The following RAD21L1 variants were observed in gnomAD, a reference collection of about 807,000 sequenced individuals.
The protein encoded by RAD21L1 is double-strand-break repair protein rad21-like protein 1.
A neutral mutation model predicts 69.0 loss-of-function variants in RAD21L1; 47 were observed. The observed-to-expected ratio is 0.68, with a 90% CI of 0.54 to 0.87. The LOEUF (loss-of-function observed/expected upper bound fraction) is 0.87. RAD21L1 is among the 40% of genes least tolerant of loss of function. The pLI is 0.00. For missense variants in RAD21L1, 583 were observed against 647.6 expected (o/e 0.90, Z 1.08); for synonymous variants, 177 against 205.8 (o/e 0.86, Z 1.20).
chr20:1,226,603 C>T (rs1221383935), intron 1 of RAD21L1, among the ~76,000 whole-genome samples: 8 of 152,176 alleles, frequency 5.3e-5, no homozygotes, highest in South Asian at 2.1e-4. Context: ...CCTTCCGACC[C>T]CTTCCTCCCT....
At chr20:1,251,075 C>G (rs1026912443) in intron 13 of RAD21L1, among the ~76,000 whole-genome samples, 8 of 152,136 alleles carry the variant, frequency 5.3e-5, no homozygotes, top group Admixed American at 2.6e-4. Flanking sequence ...AACATCCTTT[C>G]ATAATTTCCT....
At chr20:1,253,863 T>C (rs1254906855) in intron 13 of RAD21L1, among the ~76,000 whole-genome samples, 1 of 152,182 alleles carries the variant, frequency 6.6e-6, no homozygotes, top group Non-Finnish European at 1.5e-5. Context: ...ATAGTACCTT[T>C]AAGTAGAAGA....
intron 13 of RAD21L1, among the ~76,000 whole-genome samples, chr20:1,251,500 G>C (rs989144694): frequency 6.6e-6 from 1 of 151,228 alleles, no homozygotes; most frequent in Non-Finnish European, 1.5e-5. Flanking sequence ...ATTTTTTAAA[G>C]TTTTTCATAG....
At chr20:1,241,848 C>T (rs1217998870) in intron 8 of RAD21L1, among the ~76,000 whole-genome samples, 1 of 152,204 alleles carries the variant, frequency 6.6e-6, no homozygotes, top group Non-Finnish European at 1.5e-5. Context: ...AACCCTCTCT[C>T]CCCTTTTACA....
chr20:1,229,994 A>G lies in RAD21L1; in HGVS notation c.259A>G (p.Met87Val). The G allele has an allele frequency of 1.9e-6, 3 of 1,549,848 alleles. No homozygotes were observed. The highest frequency in any genetic ancestry group is 2.6e-6 in the Non-Finnish European group (3 of 1,145,488). Residue 87 changes from methionine (M) to valine (V), a missense_variant, in exon 3 of 14, where the codon ATG becomes GTG. By Grantham distance (21) the Met-to-Val change is conservative. Transcript: ENST00000683101. ...DCSEAFLKMK[M>V]TFCPGLVDLP... is the part of the protein sequence containing the mutation. The stretch of plus-strand genomic sequence containing the variant: ...CAGTGAAGCATTTCTTAAAATGAAG[A>G]TGACATTTTGCCCAGGTATACATGT...
Position 1,255,159 on chromosome 20 carries a change from A to G in RAD21L1, c.*702A>G, listed in dbSNP as rs997329721. 4.6e-5 allele frequency among the ~76,000 whole-genome samples: 7 copies of G among 152,030 alleles called. No individual in the cohort carries two copies. Among genetic ancestry groups the G allele is most frequent in the Admixed American group, 2.6e-4 (4 of 15,286 alleles). ...TGCCTGAGTGGGTTTTAGTCTATTT[A>G]TAGGTCACTTAACTTTTTTATTTAC... On this transcript the variant is annotated 3_prime_UTR_variant, in exon 14 of 14. Coordinates refer to ENST00000683101, the MANE Select transcript of RAD21L1 (RefSeq NM_001384355.1).
chr20:1,240,294 A>G, intron 7 of RAD21L1, 27 bp from the exon 8 acceptor site: 1 of 1,514,074 alleles, frequency 6.6e-7, no homozygotes, highest in South Asian at 1.3e-5. Context: ...TTTTTTTTAC[A>G]ATTACTTTTA....
At chr20:1,230,617 T>C (rs2087369731) in intron 3 of RAD21L1, 1 of 322,442 alleles carries the variant, frequency 3.1e-6, no homozygotes, top group Admixed American at 6.5e-5. Flanking sequence ...GCAAGGTCTT[T>C]GTCATAATTA....
chr20:1,254,352 T>G lies in RAD21L1; in HGVS notation c.1563T>G (p.Phe521Leu). The G allele has an allele frequency of 6.4e-7, 1 of 1,551,396 alleles. No individual in the cohort carries two copies. The highest frequency in any genetic ancestry group is 8.7e-7 in the Non-Finnish European group (1 of 1,146,848). The change falls in exon 14 of 14, where the codon TTT becomes TTG. Residue 521 changes from phenylalanine to leucine, a missense_variant. Physicochemically the swap from Phe to Leu is conservative, Grantham distance 22 (BLOSUM62 0). Coordinates refer to ENST00000683101, the MANE Select transcript of RAD21L1 (RefSeq NM_001384355.1). ...NSDRKQAAAK[F>L]YSFLVLKKQL... is the part of the protein sequence containing the mutation. ...ACCGAAAACAAGCAGCTGCCAAATT[T>G]TATAGCTTTCTTGTCCTAAAGAAAC...
intron 13 of RAD21L1, among the ~76,000 whole-genome samples, chr20:1,249,000 A>G (rs1006110927): frequency 1.3e-5 from 2 of 152,212 alleles, no homozygotes; most frequent in African/African-American, 4.8e-5. Context: ...AACTTAGTTT[A>G]TAGCAGTTCA....
intron 1 of RAD21L1, among the ~76,000 whole-genome samples, chr20:1,226,602 C>A (rs981274847): frequency 1.3e-5 from 2 of 152,102 alleles, no homozygotes; most frequent in African/African-American, 2.4e-5. Context: ...CCCTTCCGAC[C>A]CCTTCCTCCC....
In RAD21L1 at chr20:1,231,632, A is replaced by G. The variant is rs1185746624; in HGVS notation, c.368+13A>G. 3 of 1,229,898 alleles carry G rather than the reference A, an allele frequency of 2.4e-6. No individual in the cohort carries two copies. Among genetic ancestry groups the G allele is most frequent in the Non-Finnish European group, 3.4e-6 (3 of 870,498 alleles). 76.2% of individuals were successfully genotyped at this position (1,229,898 alleles called of 1,614,324 possible). A position where few individuals can be genotyped will look rare whatever the true frequency, so the allele number is the denominator to read the frequency against. Reference sequence around the variant, plus strand: ...CCCAAAATATGAAGTAAAATATTTTATTTATTTTCCTTCGATTTAATTTTC... The same window carrying G: ...CCCAAAATATGAAGTAAAATATTTTGTTTATTTTCCTTCGATTTAATTTTC... On this transcript the variant is annotated intron_variant, in intron 4 of 13. Coordinates refer to ENST00000683101, the MANE Select transcript of RAD21L1 (RefSeq NM_001384355.1).
Position 1,254,600 on chromosome 20 carries a change from A to G in RAD21L1, c.*143A>G. Reference sequence around the variant, plus strand: ...ACCTACTTCCTCTCTGTAGTTCAGAATAATCATAGCTAGAATTGGAAACCT... The same window carrying G: ...ACCTACTTCCTCTCTGTAGTTCAGAGTAATCATAGCTAGAATTGGAAACCT... On this transcript the variant is annotated 3_prime_UTR_variant, in exon 14 of 14. Transcript: ENST00000683101. 2.2e-6 allele frequency: 1 copy of G among 455,296 alleles called. No homozygotes were observed. 28.2% of individuals were successfully genotyped at this position (455,296 alleles called of 1,614,324 possible). A position where few individuals can be genotyped will look rare whatever the true frequency, so the allele number is the denominator to read the frequency against.
At chr20:1,249,445 C>A (rs1360507741) in intron 13 of RAD21L1, among the ~76,000 whole-genome samples, 1 of 152,158 alleles carries the variant, frequency 6.6e-6, no homozygotes, top group Admixed American at 6.5e-5. Flanking sequence ...GTTTATTTAT[C>A]TGTCAGGTAA....
intron 1 of RAD21L1, among the ~76,000 whole-genome samples, chr20:1,227,092 T>C (rs2087280166): frequency 6.6e-6 from 1 of 152,108 alleles, no homozygotes; most frequent in South Asian, 2.1e-4. Flanking sequence ...GTACTTTTAG[T>C]AGAGACGGGG....
intron 12 of RAD21L1, among the ~76,000 whole-genome samples, chr20:1,247,465 A>C (rs1405061382): frequency 6.6e-6 from 1 of 152,190 alleles, no homozygotes; most frequent in African/African-American, 2.4e-5. Flanking sequence ...TCATTTATCC[A>C]AGGAGAGACC....
rs192753280 is a variant in RAD21L1, at chr20:1,230,698, A to G, written c.274+689A>G. 35 of 502,282 alleles carry G rather than the reference A, an allele frequency of 7.0e-5. No homozygotes were observed. The African/African-American group carries it at 7.0e-4, about 10-fold the overall frequency. The allele number at this position is 502,282 out of a possible 1,614,324, so 31.1% of individuals were successfully genotyped here. A position where few individuals can be genotyped will look rare whatever the true frequency, so the allele number is the denominator to read the frequency against. On this transcript the variant is annotated intron_variant, in intron 3 of 13. Coordinates refer to ENST00000683101, the MANE Select transcript of RAD21L1 (RefSeq NM_001384355.1). ...CATTTCCTCAATCAACATTTGTTGA[A>G]TCAGGATTGACAGATTTTTTTTAAT...
chr20:1,243,985 A>G, intron 10 of RAD21L1, 61 bp from the exon 11 acceptor site: 1 of 1,439,332 alleles, frequency 6.9e-7, no homozygotes, highest in Non-Finnish European at 9.5e-7. Context: ...TTACAACCAT[A>G]TCACAATTCA....
At chr20:1,237,559 C>T (rs1213695774) in intron 5 of RAD21L1, among the ~76,000 whole-genome samples, 2 of 148,048 alleles carry the variant, frequency 1.4e-5, no homozygotes, top group Admixed American at 6.8e-5. Flanking sequence ...CTAGCATATT[C>T]GATATTTATT....
Sources: allele counts gnomAD v4.1 joint callset (sites outside exome capture counted in the v4.1 genomes callset), GRCh38; gene constraint gnomAD v4.1.1; transcripts MANE v1.5; gene names NCBI Gene and HGNC (gene_info 2026-07-23, HGNC 2026-07-21).